Variants in ACSM1 observed in about 807,000 individuals in gnomAD.
ACSM1 encodes acyl-CoA synthetase medium chain family member 1.
A neutral mutation model predicts 75.8 loss-of-function variants in ACSM1; 79 were observed. That is an observed-to-expected ratio of 1.04 (90% CI 0.87 to 1.26). ACSM1 has a LOEUF of 1.26. Among genes scored for constraint, ACSM1 ranks in the 50% most tolerant of loss-of-function variants. ACSM1 has a pLI of 0.00. For synonymous variants in ACSM1, 279 were observed against 265.8 expected (o/e 1.05, Z -0.48); for missense variants, 676 against 720.1 (o/e 0.94, Z 0.70).
intron 13 of ACSM1, among the ~76,000 whole-genome samples, 176 bp from the exon 14 acceptor site, chr16:20,623,748 T>C (rs938825631): frequency 6.6e-6 from 1 of 152,238 alleles, no homozygotes; most frequent in Admixed American, 6.5e-5. Flanking sequence ...AAGGTGGATG[T>C]ACCCATGGGA....
chr16:20,658,891 T>C (rs2019145823), intron 7 of ACSM1, among the ~76,000 whole-genome samples: 1 of 152,218 alleles, frequency 6.6e-6, no homozygotes, highest in African/African-American at 2.4e-5. Flanking sequence ...AAATAACCCT[T>C]AATAAGTAAG....
chr16:20,661,957 T>C, intron 6 of ACSM1, 84 bp from the exon 7 acceptor site: 2 of 834,710 alleles, frequency 2.4e-6, no homozygotes, highest in South Asian at 3.2e-5. Context: ...GTTCTGACCT[T>C]CCCACTAGAA....
intron 1 of ACSM1, 64 bp from the exon 2 acceptor site, chr16:20,691,303 T>C: frequency 2.3e-6 from 2 of 876,298 alleles, no homozygotes; most frequent in Non-Finnish European, 3.4e-6. Flanking sequence ...ATTGGGTGCA[T>C]GTTTTTGGTT....
chr16:20,667,942 A>G (rs2019662475), intron 6 of ACSM1, among the ~76,000 whole-genome samples: 1 of 152,196 alleles, frequency 6.6e-6, no homozygotes, highest in African/African-American at 2.4e-5. Flanking sequence ...ATAAGTGGGA[A>G]CTAAACATTG....
intron 13 of ACSM1, 114 bp from the exon 14 acceptor site, chr16:20,623,686 G>T (rs2016745348): frequency 1.8e-6 from 2 of 1,093,052 alleles, no homozygotes; most frequent in East Asian, 4.8e-5. Context: ...GACACCATAT[G>T]GTGGCCTTAA....
At chr16:20,694,656 C>T (rs774412373) in intron 1 of ACSM1, among the ~76,000 whole-genome samples, 2 of 152,088 alleles carry the variant, frequency 1.3e-5, no homozygotes, top group Admixed American at 6.6e-5. Flanking sequence ...AAGACCAAAA[C>T]AAAAGGGAGA....
intron 7 of ACSM1, among the ~76,000 whole-genome samples, chr16:20,644,270 G>A (rs904968800): frequency 3.3e-5 from 5 of 152,172 alleles, no homozygotes; most frequent in African/African-American, 1.2e-4. Flanking sequence ...TAACTTAGAA[G>A]AAACCTAATT....
In ACSM1 at chr16:20,637,357, C is replaced by A; in HGVS notation, c.1197+14G>T. ...AGCCCTAACTGCTCCCTGCCAATGC[C>A]CTTAGGACCAGACCTGGACGTCGTA... is the stretch of plus-strand genomic sequence containing the variant. On this transcript the variant is annotated intron_variant, in intron 9 of 13. Transcript: ENST00000520010. 1 of 1,613,092 alleles carries A rather than the reference C, an allele frequency of 6.2e-7. No individual in the cohort carries two copies. The highest frequency in any genetic ancestry group is 8.5e-7 in the Non-Finnish European group (1 of 1,179,100).
At chr16:20,624,285 T>C (rs539800820) in intron 12 of ACSM1, 70 bp from the exon 13 acceptor site, 1 of 1,499,968 alleles carries the variant, frequency 6.7e-7, no homozygotes, top group East Asian at 2.4e-5. Flanking sequence ...CAATGTTTAT[T>C]GAATGAGTGG....
At position 20,671,721 on chromosome 16, in the gene ACSM1, TC is replaced by T. The variant is rs577051729; in HGVS notation, c.612-51del. 1,280 of 1,449,410 alleles carry T rather than the reference TC, an allele frequency of 8.8e-4. 20 individuals carry two copies. The African/African-American group carries it at 0.016, about 18-fold the overall frequency. The allele number at this position is 1,449,410 out of a possible 1,614,324, so 89.8% of individuals were successfully genotyped here. ...GAAAAAAGTCATGATTGCTGTTTCT[TC>T]ATCTTCTGGGAATGCAAAAGAAACA... On this transcript the variant is annotated intron_variant, in intron 4 of 13. Coordinates refer to ENST00000520010, the MANE Select transcript of ACSM1 (RefSeq NM_001318890.3).
intron 5 of ACSM1, 116 bp downstream of exon 5, chr16:20,671,415 C>A: frequency 8.5e-7 from 1 of 1,169,710 alleles, no homozygotes; most frequent in Non-Finnish European, 1.1e-6. Context: ...TATGTAGTCA[C>A]TTCTACTTCC....
chr16:20,646,140 C>T (rs887631966), intron 7 of ACSM1, among the ~76,000 whole-genome samples: 2 of 152,114 alleles, frequency 1.3e-5, no homozygotes, highest in African/African-American at 4.8e-5. Flanking sequence ...AAAAACACCA[C>T]TTTAGTCACA....
intron 10 of ACSM1, among the ~76,000 whole-genome samples, chr16:20,629,997 A>G (rs1373708788): frequency 6.6e-6 from 1 of 152,010 alleles, no homozygotes; most frequent in Non-Finnish European, 1.5e-5. Context: ...ACTCAAAAAA[A>G]AAAAAAAAAA....
intron 2 of ACSM1, among the ~76,000 whole-genome samples, chr16:20,689,235 T>C (rs1027797351): frequency 2.6e-5 from 4 of 151,970 alleles, no homozygotes; most frequent in Non-Finnish European, 5.9e-5. Context: ...CAGTATTAAA[T>C]AGATTGCTAG....
At chr16:20,657,093 G>T (rs1315360370) in intron 7 of ACSM1, among the ~76,000 whole-genome samples, 1 of 152,022 alleles carries the variant, frequency 6.6e-6, no homozygotes, top group Non-Finnish European at 1.5e-5. Context: ...GTTATAAGTT[G>T]TGAAGATAAA....
chr16:20,642,148 G>A (rs1182641605), intron 7 of ACSM1, among the ~76,000 whole-genome samples: 1 of 152,104 alleles, frequency 6.6e-6, no homozygotes. Context: ...TTAAAGTCTT[G>A]GTTTGGTCAA....
At chr16:20,668,602 C>T (rs1201742889) in intron 6 of ACSM1, among the ~76,000 whole-genome samples, 1 of 152,134 alleles carries the variant, frequency 6.6e-6, no homozygotes, top group African/African-American at 2.4e-5. Flanking sequence ...TCAGCTTGGA[C>T]CGAGAAGACT....
intron 1 of ACSM1, among the ~76,000 whole-genome samples, chr16:20,693,908 A>G (rs974495010): frequency 1.3e-5 from 2 of 152,228 alleles, no homozygotes; most frequent in Admixed American, 6.5e-5. Context: ...AATAAATAGT[A>G]ACTTCTCTTA....
intron 6 of ACSM1, 87 bp downstream of exon 6, chr16:20,669,740 G>T: frequency 7.2e-7 from 1 of 1,396,388 alleles, no homozygotes; most frequent in Admixed American, 1.9e-5. Flanking sequence ...GGGCTTCTTT[G>T]CTTAATAAAA....
Sources: gnomAD v4.1 joint callset for allele counts (sites outside exome capture counted in the v4.1 genomes callset) on GRCh38, gnomAD v4.1.1 for gene constraint, MANE v1.5 for transcripts, NCBI Gene and HGNC (gene_info 2026-07-23, HGNC 2026-07-21) for gene names.